The following IDH3A variants were observed in gnomAD, a reference collection of about 807,000 sequenced individuals.
IDH3A encodes isocitrate dehydrogenase (NAD(+)) 3 catalytic subunit alpha.
A neutral mutation model predicts 43.3 loss-of-function variants in IDH3A; 23 were observed. That is an observed-to-expected ratio of 0.53 (90% CI 0.38 to 0.75). The LOEUF (loss-of-function observed/expected upper bound fraction) is 0.75. Among genes scored for constraint, IDH3A ranks in the 30% least tolerant of loss-of-function variants. The probability of loss-of-function intolerance (pLI) is 0.00; values close to 1 mark genes in which losing one functional copy is unlikely to be tolerated. For missense variants in IDH3A, 329 were observed against 474.4 expected, an observed-to-expected ratio of 0.69 and a Z score of 2.85; for synonymous variants, 154 against 163.5, an observed-to-expected ratio of 0.94 and a Z score of 0.44.
chr15:78,157,288 A>G (rs2074630744), intron 2 of IDH3A: 1 of 794,920 alleles, frequency 1.3e-6, no homozygotes, highest in Non-Finnish European at 1.7e-6. Flanking sequence ...AGTTTAATTT[A>G]TTTTCGTTTT....
chr15:78,150,616 A>G (rs2074565966), intron 1 of IDH3A, among the ~76,000 whole-genome samples: 1 of 152,228 alleles, frequency 6.6e-6, no homozygotes, highest in Non-Finnish European at 1.5e-5. Flanking sequence ...TAATATGCCC[A>G]TCTGTGAATA....
intron 10 of IDH3A, 98 bp downstream of exon 10, chr15:78,166,400 C>A: frequency 4.0e-6 from 5 of 1,241,978 alleles, no homozygotes; most frequent in Non-Finnish European, 5.8e-6. Context: ...AGTTCTCAGG[C>A]GGGCCCAAGC....
intron 10 of IDH3A, among the ~76,000 whole-genome samples, chr15:78,166,779 G>A (rs1431353147): frequency 6.6e-6 from 1 of 152,138 alleles, no homozygotes; most frequent in African/African-American, 2.4e-5. Flanking sequence ...TTACAGGCGT[G>A]TGCCACCACA....
At chr15:78,157,880 C>T (rs2074639141) in intron 3 of IDH3A, among the ~76,000 whole-genome samples, 1 of 149,542 alleles carries the variant, frequency 6.7e-6, no homozygotes, top group South Asian at 2.1e-4. Context: ...CCAGGCTGGT[C>T]TTGAACTCTG....
chr15:78,168,093 T>G (rs2074769716), intron 10 of IDH3A: 1 of 151,918 alleles, frequency 6.6e-6, no homozygotes, highest in South Asian at 2.1e-4. Flanking sequence ...AACAGATCAG[T>G]TGTATGGGAG....
intron 1 of IDH3A, chr15:78,154,520 G>A (rs1409989250): frequency 6.6e-6 from 1 of 152,280 alleles, no homozygotes; most frequent in Non-Finnish European, 1.5e-5. Context: ...ATTATTCGCT[G>A]TGTGACCTTA....
Position 78,161,525 on chromosome 15 carries a change from C to T in IDH3A, c.290-56C>T. ...AGGTAGCCGAGGTGGGTTAGTAGGT[C>T]ACACGTGAGACCAGAATTCCTTCTA... On this transcript the variant is annotated intron_variant, in intron 4 of 10. Coordinates refer to ENST00000299518, the MANE Select transcript of IDH3A (RefSeq NM_005530.3). The surrounding 1 kb of genome is among the most constrained non-coding windows in gnomAD (Gnocchi z 4.8). 6.8e-7 allele frequency: 1 copy of T among 1,461,820 alleles called. No homozygotes were observed. Among genetic ancestry groups the T allele is most frequent in the South Asian group, 1.2e-5 (1 of 84,346 alleles). 90.6% of individuals were successfully genotyped at this position (1,461,820 alleles called of 1,614,324 possible).
chr15:78,169,044 G>A lies in IDH3A; in HGVS notation c.*39G>A, dbSNP rs2074787202. ...GGCATTTACATCAGTCACTCTAAAT[G>A]GACACCACATGAACCTCTGTTTAGA... On this transcript the variant is annotated 3_prime_UTR_variant, in exon 11 of 11. Transcript: ENST00000299518. 6 of 1,258,420 alleles carry A rather than the reference G, an allele frequency of 4.8e-6. No homozygotes were observed. The highest frequency in any genetic ancestry group is 7.0e-6 in the Non-Finnish European group (6 of 862,596). The allele number at this position is 1,258,420 out of a possible 1,614,324, so 78.0% of individuals were successfully genotyped here.
intron 3 of IDH3A, among the ~76,000 whole-genome samples, chr15:78,159,508 C>T (rs1045923263): frequency 1.3e-5 from 2 of 152,314 alleles, no homozygotes; most frequent in African/African-American, 4.8e-5. Context: ...TCCTCTGCTA[C>T]TTATGATATT....
At chr15:78,155,140 G>A (rs1371573840) in intron 1 of IDH3A, 73 bp from the exon 2 acceptor site, 4 of 1,067,952 alleles carry the variant, frequency 3.7e-6, no homozygotes, top group Non-Finnish European at 5.8e-6. Context: ...CCATCCATCA[G>A]GACTTCCTCG....
chr15:78,164,850 A>C, intron 8 of IDH3A, 142 bp from the exon 9 acceptor site: 1 of 648,404 alleles, frequency 1.5e-6, no homozygotes, highest in Non-Finnish European at 2.7e-6. Flanking sequence ...GTATTTTCCT[A>C]ACCTTTGCCC....
rs371289944 is a variant in IDH3A at position 78,153,824 on chromosome 15, G to C, written c.28-1389G>C. ...ACCTGAGGTCAGGAGTTTGAGACCA[G>C]CCGGGCCAACATGGAGAAACCCTGT... On this transcript the variant is annotated intron_variant, in intron 1 of 10. Coordinates refer to ENST00000299518, the MANE Select transcript of IDH3A (RefSeq NM_005530.3). 5.3e-5 allele frequency among the ~76,000 whole-genome samples: 8 copies of C among 152,272 alleles called. 1 individual carries two copies. In the East Asian group the frequency reaches 1.4e-3, roughly 26 times the overall value.
At chr15:78,166,537 A>C (rs1008999366) in intron 10 of IDH3A, 2 of 519,184 alleles carry the variant, frequency 3.9e-6, no homozygotes, top group African/African-American at 3.8e-5. Flanking sequence ...GCACTGATGT[A>C]TAGACATCAG....
chr15:78,165,215 G>A lies in IDH3A; in HGVS notation c.864+139G>A, dbSNP rs1051991632. On this transcript the variant is annotated intron_variant, in intron 9 of 10. Coordinates refer to ENST00000299518, the MANE Select transcript of IDH3A (RefSeq NM_005530.3). ...TGATGCTTTTTTTTTTTCTCGAGAC[G>A]GAGTCTCGCTCTGTCACCCACGCTG... The A allele has an allele frequency of 1.6e-4, 97 of 622,136 alleles. 2 individuals carry two copies. Among genetic ancestry groups the A allele is most frequent in the South Asian group, 3.8e-4 (20 of 53,258 alleles). The allele number at this position is 622,136 out of a possible 1,614,324, so 38.5% of individuals were successfully genotyped here. A position where few individuals can be genotyped will look rare whatever the true frequency, so the allele number is the denominator to read the frequency against.
Position 78,161,192 on chromosome 15 carries a change from T to G in IDH3A, c.290-389T>G, listed in dbSNP as rs1386538732. Among the ~76,000 whole-genome samples the G allele has an allele frequency of 6.6e-6, 1 of 152,256 alleles. No homozygotes were observed. Among genetic ancestry groups the G allele is most frequent in the Non-Finnish European group, 1.5e-5 (1 of 68,046 alleles). The stretch of plus-strand genomic sequence containing the variant: ...ACTGTAGGCCAGAGCAAGCATAGGC[T>G]TTAAAGCCACAGACAGAACCAACAT... On this transcript the variant is annotated intron_variant, in intron 4 of 10. Coordinates refer to ENST00000299518, the MANE Select transcript of IDH3A (RefSeq NM_005530.3). This position sits in a 1 kb window ranked among gnomAD's most constrained non-coding sequence, Gnocchi z 4.8.
intron 3 of IDH3A, 73 bp from the exon 4 acceptor site, chr15:78,160,019 T>C (rs1191728642): frequency 7.8e-6 from 7 of 900,396 alleles, no homozygotes; most frequent in Non-Finnish European, 1.3e-5. Flanking sequence ...AAAAGTTTGT[T>C]CATCATTGCA....
intron 1 of IDH3A, chr15:78,151,506 G>A (rs1408073700): frequency 6.6e-6 from 1 of 152,002 alleles, no homozygotes; most frequent in East Asian, 1.9e-4. Context: ...AACCCAGGAG[G>A]TGGAGGCTGC....
intron 9 of IDH3A, 123 bp from the exon 10 acceptor site, chr15:78,166,027 C>T (rs750953459): frequency 1.8e-4 from 161 of 888,572 alleles, no homozygotes; most frequent in Middle Eastern, 3.4e-4. Context: ...ATGAATTGCA[C>T]GCAGTAGCTT....
chr15:78,166,497 C>G, intron 10 of IDH3A, 195 bp downstream of exon 10: 1 of 611,110 alleles, frequency 1.6e-6, no homozygotes, highest in East Asian at 2.8e-5. Context: ...AGGTGAGGAT[C>G]TAGATATTTC....
Sources: allele counts gnomAD v4.1 joint callset (sites outside exome capture counted in the v4.1 genomes callset), GRCh38; gene constraint gnomAD v4.1.1; non-coding constraint Gnocchi (gnomAD v3.1); transcripts MANE v1.5; gene names NCBI Gene and HGNC (gene_info 2026-07-23, HGNC 2026-07-21).